Variants in PLGRKT observed in about 807,000 individuals in gnomAD.
The protein encoded by PLGRKT is plasminogen receptor with a C-terminal lysine.
Under a neutral mutation model 18.5 loss-of-function variants are expected in PLGRKT, and 22 were observed. The ratio of observed to expected loss-of-function variants is 1.19; its 90% CI spans 0.85 to 1.70. PLGRKT has a LOEUF of 1.70. Among genes scored for constraint, PLGRKT ranks in the 40% most tolerant of loss-of-function variants. The probability of loss-of-function intolerance (pLI) is 0.00; values close to 1 mark genes in which losing one functional copy is unlikely to be tolerated. For synonymous variants in PLGRKT, 72 were observed against 52.8 expected (o/e 1.36, Z -1.58); for missense variants, 235 against 174.4 (o/e 1.35, Z -1.96).
chr9:5,437,082 T>C (rs1289478583), intron 1 of PLGRKT, among the ~76,000 whole-genome samples: 1 of 152,182 alleles, frequency 6.6e-6, no homozygotes, highest in Non-Finnish European at 1.5e-5. Context: ...TTCCCTTTGA[T>C]TCCTTCTGAG....
At chr9:5,390,216 C>CGTGT (rs71326160) in intron 3 of PLGRKT, among the ~76,000 whole-genome samples, 5 of 147,552 alleles carry the variant, frequency 3.4e-5, no homozygotes, top group South Asian at 2.2e-4. Context: ...TATGTGTGTG[C>CGTGT]GTGTGTGTGT....
chr9:5,378,143 A>T (rs1817667171), intron 3 of PLGRKT, among the ~76,000 whole-genome samples: 1 of 152,212 alleles, frequency 6.6e-6, no homozygotes, highest in Admixed American at 6.5e-5. Flanking sequence ...CATACATTTG[A>T]ACAGGCAACC....
chr9:5,359,888 G>A (rs569979179), intron 5 of PLGRKT, among the ~76,000 whole-genome samples: 11 of 152,200 alleles, frequency 7.2e-5, no homozygotes, highest in East Asian at 1.9e-4. Context: ...TTTATTACAC[G>A]TGTTATACAT....
intron 3 of PLGRKT, among the ~76,000 whole-genome samples, chr9:5,367,043 A>G (rs987606946): frequency 6.6e-6 from 1 of 150,842 alleles, no homozygotes; most frequent in East Asian, 1.9e-4. Context: ...ACACACACAC[A>G]CACACACACA....
intron 3 of PLGRKT, among the ~76,000 whole-genome samples, chr9:5,395,588 A>C (rs2131117977): frequency 6.6e-6 from 1 of 152,088 alleles, no homozygotes; most frequent in African/African-American, 2.4e-5. Context: ...TGAAACAAGC[A>C]TTAAACTTAA....
chr9:5,398,264 G>A (rs892979880), intron 3 of PLGRKT, among the ~76,000 whole-genome samples: 3 of 151,818 alleles, frequency 2.0e-5, no homozygotes, highest in African/African-American at 7.3e-5. Context: ...GATTTAGGAA[G>A]GTGAGAAACC....
At chr9:5,433,149 G>A (rs373570232) in intron 2 of PLGRKT, among the ~76,000 whole-genome samples, 95 of 145,118 alleles carry the variant, frequency 6.5e-4, no homozygotes, top group East Asian at 4.9e-3. Flanking sequence ...CTGCCTGGCC[G>A]CCCCCTCTGG....
chr9:5,376,736 G>A (rs1014592612), intron 3 of PLGRKT, among the ~76,000 whole-genome samples: 1 of 152,108 alleles, frequency 6.6e-6, no homozygotes, highest in African/African-American at 2.4e-5. Flanking sequence ...TACAGAAAGG[G>A]TATAGTAAGC....
chr9:5,419,715 G>C (rs1818537764), intron 3 of PLGRKT, among the ~76,000 whole-genome samples: 1 of 152,272 alleles, frequency 6.6e-6, no homozygotes, highest in East Asian at 1.9e-4. Flanking sequence ...AAAAAAGAGA[G>C]AGAGAAAATA....
chr9:5,376,614 C>T (rs1356861856), intron 3 of PLGRKT, among the ~76,000 whole-genome samples: 1 of 152,150 alleles, frequency 6.6e-6, no homozygotes, highest in East Asian at 1.9e-4. Flanking sequence ...TCAGTAGAAA[C>T]TGTTTTTCTC....
intron 3 of PLGRKT, among the ~76,000 whole-genome samples, chr9:5,399,349 T>G (rs1415007357): frequency 6.6e-6 from 1 of 151,958 alleles, no homozygotes; most frequent in African/African-American, 2.4e-5. Context: ...ATAAAATATA[T>G]GAAGAAAACA....
At chr9:5,395,282 G>A (rs1186871116) in intron 3 of PLGRKT, among the ~76,000 whole-genome samples, 1 of 151,882 alleles carries the variant, frequency 6.6e-6, no homozygotes, top group Non-Finnish European at 1.5e-5. Context: ...TAAAGTTACT[G>A]ATATATGCTG....
At chr9:5,419,356 T>G (rs1161396809) in intron 3 of PLGRKT, among the ~76,000 whole-genome samples, 1 of 152,202 alleles carries the variant, frequency 6.6e-6, no homozygotes, top group Non-Finnish European at 1.5e-5. Context: ...TGGTACGTGT[T>G]TGGGAGGCAA....
intron 3 of PLGRKT, among the ~76,000 whole-genome samples, chr9:5,420,409 T>C (rs1818552651): frequency 6.6e-6 from 1 of 152,136 alleles, no homozygotes; most frequent in African/African-American, 2.4e-5. Flanking sequence ...ATGATGTGTA[T>C]TTTTTTCACA....
At chr9:5,398,038 C>T (rs553734277) in intron 3 of PLGRKT, among the ~76,000 whole-genome samples, 2 of 152,028 alleles carry the variant, frequency 1.3e-5, no homozygotes, top group East Asian at 3.9e-4. Context: ...TAGAGCAAAG[C>T]CTGAACCACA....
intron 5 of PLGRKT, 52 bp from the exon 6 acceptor site, chr9:5,358,412 T>G (rs758417537): frequency 1.3e-6 from 2 of 1,572,744 alleles, no homozygotes; most frequent in Non-Finnish European, 1.7e-6. Flanking sequence ...ATCAGCAATT[T>G]GTGACAAAGC....
At chr9:5,393,475 T>C (rs1586722242) in intron 3 of PLGRKT, among the ~76,000 whole-genome samples, 1 of 151,978 alleles carries the variant, frequency 6.6e-6, no homozygotes, top group East Asian at 1.9e-4. Context: ...AGTAATTTCT[T>C]GTTACTATAC....
intron 3 of PLGRKT, among the ~76,000 whole-genome samples, chr9:5,395,570 AG>A (rs926272995): frequency 2.6e-5 from 4 of 152,082 alleles, no homozygotes; most frequent in Non-Finnish European, 2.9e-5. Context: ...AAGTAATATA[AG>A]AGCAGGTGAA....
chr9:5,419,578 C>T (rs1428597975), intron 3 of PLGRKT, among the ~76,000 whole-genome samples: 1 of 152,080 alleles, frequency 6.6e-6, no homozygotes, highest in African/African-American at 2.4e-5. Context: ...TTCGCCAAAG[C>T]AGATATACAA....
Sources: gnomAD v4.1 joint callset for allele counts (sites outside exome capture counted in the v4.1 genomes callset) on GRCh38, gnomAD v4.1.1 for gene constraint, MANE v1.5 for transcripts, NCBI Gene and HGNC (gene_info 2026-07-23, HGNC 2026-07-21) for gene names.